Variants in DCDC2 observed in about 807,000 individuals in gnomAD.
DCDC2 encodes doublecortin domain-containing protein 2.
A neutral mutation model predicts 50.2 loss-of-function variants in DCDC2; 40 were observed. That is an observed-to-expected ratio of 0.80 (90% CI 0.62 to 1.04). The LOEUF is 1.04. DCDC2 is among the 50% of genes least tolerant of loss of function. DCDC2 has a pLI of 0.00. For synonymous variants in DCDC2, 234 were observed against 210.6 expected (o/e 1.11, Z -0.96); for missense variants, 570 against 581.9 (o/e 0.98, Z 0.21).
chr6:24,214,292 T>C (rs371263771), intron 7 of DCDC2, among the ~76,000 whole-genome samples: 242 of 152,312 alleles, frequency 1.6e-3, no homozygotes, highest in African/African-American at 5.5e-3. Context: ...TAACTTTAAA[T>C]AGGTGTAGCA....
At chr6:24,239,746 G>A (rs1762527187) in intron 7 of DCDC2, among the ~76,000 whole-genome samples, 1 of 152,214 alleles carries the variant, frequency 6.6e-6, no homozygotes. Context: ...TATAAATAAA[G>A]AAGAATGAAG....
chr6:24,214,922 A>T (rs1761944015), intron 7 of DCDC2, among the ~76,000 whole-genome samples: 1 of 151,940 alleles, frequency 6.6e-6, no homozygotes, highest in African/African-American at 2.4e-5. Context: ...CTACTTCCTT[A>T]TTATGCAATG....
chr6:24,216,561 G>A (rs1761987165), intron 7 of DCDC2, among the ~76,000 whole-genome samples: 1 of 152,232 alleles, frequency 6.6e-6, no homozygotes, highest in African/African-American at 2.4e-5. Context: ...GATTGGCTGT[G>A]AAGTAAAGAG....
At chr6:24,220,019 C>A (rs916781970) in intron 7 of DCDC2, among the ~76,000 whole-genome samples, 2 of 152,198 alleles carry the variant, frequency 1.3e-5, no homozygotes, top group Admixed American at 6.5e-5. Flanking sequence ...TATCAGCCAA[C>A]CTCTTACACT....
intron 2 of DCDC2, among the ~76,000 whole-genome samples, chr6:24,319,954 T>C (rs1386025141): frequency 6.7e-6 from 1 of 150,158 alleles, no homozygotes; most frequent in Non-Finnish European, 1.5e-5. Flanking sequence ...AAAGATACAG[T>C]AACAAATGAA....
chr6:24,261,151 G>T (rs745363626), intron 7 of DCDC2, among the ~76,000 whole-genome samples: 3 of 150,476 alleles, frequency 2.0e-5, no homozygotes, highest in Non-Finnish European at 2.9e-5. Flanking sequence ...AGAATTCTCA[G>T]CTAACATCTT....
chr6:24,359,773 G>GTGAA (rs952144859), upstream of DCDC2, among the ~76,000 whole-genome samples: 22 of 140,576 alleles, frequency 1.6e-4, no homozygotes, highest in Admixed American at 1.3e-3. Context: ...TAACATTTAA[G>GTGAA]TGAATGAATG....
At chr6:24,223,641 A>AT (rs911710058) in intron 7 of DCDC2, among the ~76,000 whole-genome samples, 3 of 152,166 alleles carry the variant, frequency 2.0e-5, no homozygotes, top group Non-Finnish European at 2.9e-5. Context: ...ATCCATGTAA[A>AT]TTTTTTTGCA....
intron 3 of DCDC2, 21 bp from the exon 4 acceptor site, chr6:24,301,867 C>A: frequency 6.2e-7 from 1 of 1,614,030 alleles, no homozygotes; most frequent in Non-Finnish European, 8.5e-7. Context: ...GGGGGCAAAC[C>A]TTCTGAAACA....
intron 7 of DCDC2, among the ~76,000 whole-genome samples, chr6:24,212,611 G>C (rs1341482968): frequency 6.6e-6 from 1 of 152,148 alleles, no homozygotes; most frequent in East Asian, 1.9e-4. Flanking sequence ...GGATAAATTT[G>C]ATACACAATA....
chr6:24,276,202 A>G (rs2113818075), intron 7 of DCDC2, among the ~76,000 whole-genome samples: 1 of 152,274 alleles, frequency 6.6e-6, no homozygotes, highest in East Asian at 1.9e-4. Flanking sequence ...TTACTTTCCT[A>G]TGAACAAGGG....
chr6:24,212,530 AT>A (rs1193233700), intron 7 of DCDC2, among the ~76,000 whole-genome samples: 1 of 152,134 alleles, frequency 6.6e-6, no homozygotes, highest in Non-Finnish European at 1.5e-5. Context: ...AAGTGATTCT[AT>A]TTTTTTAAGT....
chr6:24,172,351 C>A lies in DCDC2; in HGVS notation c.*2379G>T, dbSNP rs1760797643. 1 of 152,134 alleles carries A rather than the reference C, an allele frequency of 6.6e-6. No individual in the cohort carries two copies. 9.4% of individuals were successfully genotyped at this position (152,134 alleles called of 1,614,324 possible). On this transcript the variant is annotated 3_prime_UTR_variant, in exon 10 of 10. Coordinates refer to ENST00000378454, the MANE Select transcript of DCDC2 (RefSeq NM_016356.5). The stretch of plus-strand genomic sequence containing the variant: ...CACACACAAGGGATGAATATGTCCC[C>A]ATTTTTAAGTTTTTTTGGTACAGTT...
At chr6:24,230,170 G>A (rs1233529294) in intron 7 of DCDC2, among the ~76,000 whole-genome samples, 1 of 152,182 alleles carries the variant, frequency 6.6e-6, no homozygotes, top group East Asian at 1.9e-4. Context: ...TAAGCACTGG[G>A]AATGCAGAAG....
intron 7 of DCDC2, among the ~76,000 whole-genome samples, chr6:24,271,420 G>A (rs772625879): frequency 1.3e-5 from 2 of 151,988 alleles, no homozygotes; most frequent in Non-Finnish European, 2.9e-5. Flanking sequence ...CTCTGGAGCT[G>A]GGGAAGAAAT....
upstream of DCDC2, among the ~76,000 whole-genome samples, chr6:24,363,026 C>T (rs145215701): frequency 3.8e-3 from 578 of 152,104 alleles, 6 homozygotes; most frequent in African/African-American, 0.013. Context: ...GAATGAGGAG[C>T]GGAATGCTAA....
intron 8 of DCDC2, among the ~76,000 whole-genome samples, 163 bp from the exon 9 acceptor site, chr6:24,178,795 C>T (rs1272667467): frequency 6.6e-6 from 1 of 152,184 alleles, no homozygotes; most frequent in Non-Finnish European, 1.5e-5. Context: ...TGAGTACCTA[C>T]CACATGCCAC....
At chr6:24,233,840 T>C (rs941212016) in intron 7 of DCDC2, among the ~76,000 whole-genome samples, 1 of 152,194 alleles carries the variant, frequency 6.6e-6, no homozygotes, top group Admixed American at 6.5e-5. Context: ...GTATATAGGA[T>C]GGTGAAATTT....
chr6:24,237,263 G>A (rs190023259), intron 7 of DCDC2, among the ~76,000 whole-genome samples: 51 of 152,102 alleles, frequency 3.4e-4, no homozygotes, highest in East Asian at 7.7e-4. Context: ...TACCTGTTGC[G>A]TACTATGCTT....
Sources: allele counts gnomAD v4.1 joint callset (sites outside exome capture counted in the v4.1 genomes callset), GRCh38; gene constraint gnomAD v4.1.1; transcripts MANE v1.5; gene names NCBI Gene and HGNC (gene_info 2026-07-23, HGNC 2026-07-21).